Variants in DRC3 observed in about 807,000 individuals in gnomAD.
DRC3 encodes dynein regulatory complex subunit 3.
Under a neutral mutation model 57.6 loss-of-function variants are expected in DRC3, and 45 were observed. That is an observed-to-expected ratio of 0.78 (90% CI 0.62 to 1.00). DRC3 has a LOEUF of 1.00. DRC3 is among the 50% of genes least tolerant of loss of function. The pLI is 0.00. For missense variants in DRC3, 655 were observed against 675.2 expected (o/e 0.97, Z 0.33); for synonymous variants, 257 against 272.3 (o/e 0.94, Z 0.55).
chr17:17,989,603 G>A (rs1267335908), intron 5 of DRC3: 1 of 152,352 alleles, frequency 6.6e-6, no homozygotes, highest in Non-Finnish European at 1.5e-5. Context: ...CTGGAGTAAG[G>A]GAGGCAGGGA....
At chr17:18,010,396 C>T (rs930207455) in intron 12 of DRC3, among the ~76,000 whole-genome samples, 1 of 152,124 alleles carries the variant, frequency 6.6e-6, no homozygotes, top group Non-Finnish European at 1.5e-5. Flanking sequence ...TTTGTTGCTA[C>T]CCAAAGCAAC....
chr17:18,000,243 CGTGA>C lies in DRC3; in HGVS notation c.999+2613_999+2616del, dbSNP rs1428030134. ...CATGCCGTTCTGTACTTTGCTTTCA[CGTGA>C]GTGTGTGTGTGTGTGTGTGTGCATA... On this transcript the variant is annotated intron_variant, in intron 9 of 13. Transcript: ENST00000399187. Among the ~76,000 whole-genome samples, 19 of 109,292 alleles carry C rather than the reference CGTGA, an allele frequency of 1.7e-4. No individual in the cohort carries two copies. In the South Asian group the frequency reaches 1.9e-3, roughly 11 times the overall value. The allele number at this position is 109,292 out of a possible 152,430, so 71.7% of individuals were successfully genotyped here.
In DRC3 at chr17:18,000,308, G is replaced by C. The variant is rs2043669648; in HGVS notation, c.999+2674G>C. Among the ~76,000 whole-genome samples the C allele has an allele frequency of 2.0e-5, 3 of 148,758 alleles. No homozygotes were observed. The South Asian group carries it at 6.4e-4, about 32-fold the overall frequency. On this transcript the variant is annotated intron_variant, in intron 9 of 13. Coordinates refer to ENST00000399187, the MANE Select transcript of DRC3 (RefSeq NM_031294.4). ...CTCTGTACTTTGCTTTCGTGTGTGT[G>C]TGTGTGTGCGCGCATAGCATGCCCT...
intron 4 of DRC3, among the ~76,000 whole-genome samples, chr17:17,987,218 A>G (rs1015034529): frequency 1.5e-4 from 22 of 144,070 alleles, no homozygotes; most frequent in African/African-American, 5.6e-4. Flanking sequence ...CTGTCTCAAA[A>G]AAAAAAAAAA....
intron 2 of DRC3, among the ~76,000 whole-genome samples, chr17:17,977,179 T>C (rs948654688): frequency 2.0e-5 from 3 of 152,130 alleles, no homozygotes; most frequent in African/African-American, 7.2e-5. Flanking sequence ...TGGCTGGGGC[T>C]GCCCAGGGAG....
intron 2 of DRC3, among the ~76,000 whole-genome samples, chr17:17,974,901 G>A (rs2042310910): frequency 6.6e-6 from 1 of 152,156 alleles, no homozygotes; most frequent in South Asian, 2.1e-4. Context: ...CCCATGTGTG[G>A]ACTAAATACG....
intron 13 of DRC3, 54 bp from the exon 14 acceptor site, chr17:18,016,504 A>C: frequency 7.8e-7 from 1 of 1,289,572 alleles, no homozygotes; most frequent in Non-Finnish European, 1.1e-6. Context: ...ATTCAGTGAA[A>C]GATATTAACC....
In DRC3 at chr17:17,977,939, G is replaced by A. The variant is rs2042465007; in HGVS notation, c.160+181G>A. ...AGATGTTTGTAAAGCGTCATACTTA[G>A]TGTCTTCATCATTTGAATATCCACG... On this transcript the variant is annotated intron_variant, in intron 3 of 13. Coordinates refer to ENST00000399187, the MANE Select transcript of DRC3 (RefSeq NM_031294.4). 3 of 549,082 alleles carry A rather than the reference G, an allele frequency of 5.5e-6. No individual in the cohort carries two copies. In the East Asian group the frequency reaches 9.7e-5, roughly 18 times the overall value. 34.0% of individuals were successfully genotyped at this position (549,082 alleles called of 1,614,324 possible). A position where few individuals can be genotyped will look rare whatever the true frequency, so the allele number is the denominator to read the frequency against.
Position 18,004,513 on chromosome 17 carries a change from C to T in DRC3, c.1131+19C>T. ...GCTGGAGGTAAGGCTGGGCCCTGGG[C>T]ACAAGTGCCAGAATCTGGCGATGCA... is the stretch of plus-strand genomic sequence containing the variant. On this transcript the variant is annotated intron_variant, in intron 10 of 13. Coordinates refer to ENST00000399187, the MANE Select transcript of DRC3 (RefSeq NM_031294.4). 6.2e-7 allele frequency: 1 copy of T among 1,604,942 alleles called. No individual in the cohort carries two copies. Among genetic ancestry groups the T allele is most frequent in the South Asian group, 1.1e-5 (1 of 88,944 alleles).
chr17:18,003,418 G>A (rs12942274), intron 9 of DRC3, among the ~76,000 whole-genome samples: 1 of 135,198 alleles, frequency 7.4e-6, no homozygotes, highest in African/African-American at 2.7e-5. Flanking sequence ...TCAGGAGGCA[G>A]AGGTTGCAGT....
rs780908223 is a variant in DRC3, at chr17:18,006,839, G to A, written c.1203-185G>A. On this transcript the variant is annotated intron_variant, in intron 11 of 13. Coordinates refer to ENST00000399187, the MANE Select transcript of DRC3 (RefSeq NM_031294.4). ...GATGGCAGGGGCCGAGGGTCCGTCC[G>A]AGGTGTGGGGCAGGGGCAGGGAGTC... 7.1e-6 allele frequency: 6 copies of A among 848,882 alleles called. 1 individual carries two copies. In the East Asian group the frequency reaches 1.2e-4, roughly 17 times the overall value. The allele number at this position is 848,882 out of a possible 1,614,324, so 52.6% of individuals were successfully genotyped here. A position where few individuals can be genotyped will look rare whatever the true frequency, so the allele number is the denominator to read the frequency against.
chr17:18,013,768 A>G (rs914370637), intron 12 of DRC3, among the ~76,000 whole-genome samples: 1 of 152,216 alleles, frequency 6.6e-6, no homozygotes, highest in African/African-American at 2.4e-5. Context: ...TATAGTTTCA[A>G]ATAGCTAAAA....
intron 8 of DRC3, among the ~76,000 whole-genome samples, chr17:17,996,113 T>G (rs1438799525): frequency 6.6e-6 from 1 of 152,194 alleles, no homozygotes; most frequent in Non-Finnish European, 1.5e-5. Context: ...CTCCGCCTCC[T>G]GGGTTCAAGC....
Position 17,993,831 on chromosome 17 carries a change from C to T in DRC3, c.592-468C>T, listed in dbSNP as rs544230037. ...CCAGGTACAGGGGGATGAGCCAGTG[C>T]GGTGGAGAGAGCCAAGGGCCAGACC... On this transcript the variant is annotated intron_variant, in intron 6 of 13. Coordinates refer to ENST00000399187, the MANE Select transcript of DRC3 (RefSeq NM_031294.4). 7.5e-5 allele frequency: 13 copies of T among 173,590 alleles called. No homozygotes were observed. The South Asian group carries it at 1.3e-3, about 18-fold the overall frequency. The allele number at this position is 173,590 out of a possible 1,614,324, so 10.8% of individuals were successfully genotyped here.
At chr17:18,006,531 C>T (rs1370544867) in intron 11 of DRC3, 2 of 516,372 alleles carry the variant, frequency 3.9e-6, no homozygotes, top group African/African-American at 1.9e-5. Flanking sequence ...GTTGAGGCAA[C>T]CCCCACGTGG....
chr17:18,004,229 A>G lies in DRC3; in HGVS notation c.1000-134A>G. ...CTTCTACACGCTTTCAGAGCCAGCA[A>G]ATGGCAAAGCTGAGACTTGCACTTG... On this transcript the variant is annotated intron_variant, in intron 9 of 13. Transcript: ENST00000399187. The G allele has an allele frequency of 1.1e-5, 10 of 949,600 alleles. No homozygotes were observed. The South Asian group carries it at 1.6e-4, about 15-fold the overall frequency. 58.8% of individuals were successfully genotyped at this position (949,600 alleles called of 1,614,324 possible). A position where few individuals can be genotyped will look rare whatever the true frequency, so the allele number is the denominator to read the frequency against.
At chr17:17,974,165 G>T (rs2042276061) in intron 2 of DRC3, among the ~76,000 whole-genome samples, 1 of 152,226 alleles carries the variant, frequency 6.6e-6, no homozygotes, top group Non-Finnish European at 1.5e-5. Context: ...AGTTGGGCAT[G>T]TTAATTAACC....
intron 9 of DRC3, among the ~76,000 whole-genome samples, chr17:18,000,081 T>C (rs1475478086): frequency 6.9e-6 from 1 of 144,122 alleles, no homozygotes; most frequent in Non-Finnish European, 1.5e-5. Context: ...TGCTTTCGTG[T>C]GTGTGTGTGT....
At chr17:17,989,502 G>A (rs1239656570) in intron 5 of DRC3, 1 of 152,430 alleles carries the variant, frequency 6.6e-6, no homozygotes, top group African/African-American at 2.4e-5. Flanking sequence ...TGTACCTGCA[G>A]GTAAGAGAAG....
Sources: gnomAD v4.1 joint callset for allele counts (sites outside exome capture counted in the v4.1 genomes callset) on GRCh38, gnomAD v4.1.1 for gene constraint, MANE v1.5 for transcripts, NCBI Gene and HGNC (gene_info 2026-07-23, HGNC 2026-07-21) for gene names.